The following CCDC7 variants were observed in gnomAD, a reference collection of about 807,000 sequenced individuals.
CCDC7 encodes the protein coiled-coil domain-containing protein 7.
In CCDC7, 183 loss-of-function variants were observed where a neutral mutation model predicts 196.9. The ratio of observed to expected loss-of-function variants is 0.93; its 90% CI spans 0.82 to 1.05. The LOEUF is 1.05. Among genes scored for constraint, CCDC7 ranks in the 50% least tolerant of loss-of-function variants. CCDC7 has a pLI of 0.00. For missense variants in CCDC7, 1,540 were observed against 1,482.2 expected, an observed-to-expected ratio of 1.04 and a Z score of -0.64; for synonymous variants, 525 against 484.6, an observed-to-expected ratio of 1.08 and a Z score of -1.10.
intron 9 of CCDC7, chr10:32,513,773 T>G (rs1419385821): frequency 6.6e-6 from 1 of 152,172 alleles, no homozygotes; most frequent in Non-Finnish European, 1.5e-5. Flanking sequence ...CTAGATTCAG[T>G]AAATGCACTT....
At chr10:32,652,691 A>C (rs954516133) in intron 20 of CCDC7, among the ~76,000 whole-genome samples, 1 of 152,170 alleles carries the variant, frequency 6.6e-6, no homozygotes, top group Non-Finnish European at 1.5e-5. Context: ...ACTAAAAAAA[A>C]CTTTATACTT....
intron 8 of CCDC7, among the ~76,000 whole-genome samples, chr10:32,485,034 C>T (rs373463809): frequency 7.9e-5 from 12 of 152,164 alleles, no homozygotes; most frequent in Admixed American, 5.2e-4. Context: ...GGGAGCATTC[C>T]GTCTTTTTCT....
intron 11 of CCDC7, among the ~76,000 whole-genome samples, chr10:32,524,210 C>G (rs893122224): frequency 2.6e-5 from 4 of 151,990 alleles, no homozygotes; most frequent in Admixed American, 6.6e-5. Flanking sequence ...TAACCCACAA[C>G]TTTAAACTAA....
intron 20 of CCDC7, among the ~76,000 whole-genome samples, chr10:32,652,438 C>A (rs986247708): frequency 6.6e-6 from 1 of 152,136 alleles, no homozygotes; most frequent in Admixed American, 6.5e-5. Flanking sequence ...TAAGGTCTTA[C>A]TATTGATATT....
At chr10:32,838,021 A>T (rs1263326874) in intron 33 of CCDC7, among the ~76,000 whole-genome samples, 2 of 152,122 alleles carry the variant, frequency 1.3e-5, no homozygotes, top group Non-Finnish European at 1.5e-5. Flanking sequence ...GCATGTATAC[A>T]TATGTAACAA....
chr10:32,462,816 C>A, intron 4 of CCDC7, 113 bp downstream of exon 5: 2 of 1,264,088 alleles, frequency 1.6e-6, no homozygotes, highest in South Asian at 3.2e-5. Flanking sequence ...ATACTTGCTG[C>A]TCTATATATT....
At chr10:32,742,348 C>T (rs1325518051) in intron 28 of CCDC7, among the ~76,000 whole-genome samples, 2 of 152,188 alleles carry the variant, frequency 1.3e-5, no homozygotes, top group Non-Finnish European at 2.9e-5. Context: ...ACCACATTAT[C>T]ACCCAAAGTC....
At chr10:32,629,531 G>A (rs1314039888) in intron 18 of CCDC7, among the ~76,000 whole-genome samples, 1 of 152,018 alleles carries the variant, frequency 6.6e-6, no homozygotes, top group Non-Finnish European at 1.5e-5. Context: ...CTCAGCTTTG[G>A]ATTTATTGCT....
intron 25 of CCDC7, among the ~76,000 whole-genome samples, chr10:32,725,737 C>G (rs2142262281): frequency 6.6e-6 from 1 of 152,102 alleles, no homozygotes; most frequent in South Asian, 2.1e-4. Context: ...TGGGGGACAT[C>G]CCAATGTCTT....
At chr10:32,741,575 A>G (rs1480925163) in intron 28 of CCDC7, among the ~76,000 whole-genome samples, 4 of 152,198 alleles carry the variant, frequency 2.6e-5, no homozygotes, top group Admixed American at 1.3e-4. Flanking sequence ...TGTATTTGTA[A>G]TCTATATTTG....
intron 33 of CCDC7, among the ~76,000 whole-genome samples, chr10:32,843,407 C>T (rs2093098055): frequency 6.6e-6 from 1 of 151,932 alleles, no homozygotes; most frequent in Admixed American, 6.6e-5. Context: ...TTAGTATAAA[C>T]TCAAGTAGAA....
chr10:32,705,491 G>T (rs1028454182), intron 24 of CCDC7, among the ~76,000 whole-genome samples: 6 of 152,062 alleles, frequency 3.9e-5, no homozygotes, highest in Admixed American at 2.0e-4. Flanking sequence ...ATGTAAATGG[G>T]CTAAATGCCC....
chr10:32,692,349 A>G (rs1262918270), intron 23 of CCDC7, among the ~76,000 whole-genome samples: 1 of 152,232 alleles, frequency 6.6e-6, no homozygotes, highest in Non-Finnish European at 1.5e-5. Context: ...ATATCTTGGT[A>G]TGTGAATCAG....
rs571268985 is a variant in CCDC7 at position 32,534,970 on chromosome 10, C to T, written c.994-8330C>T. ...CATTGGTGGGAAAGCTGGTTGACCCCCTCATTCTCACTTTTTGCAGTGTAG... is the reference window on the plus strand; with the variant it reads ...CATTGGTGGGAAAGCTGGTTGACCCTCTCATTCTCACTTTTTGCAGTGTAG... On this transcript the variant is annotated intron_variant, in intron 11 of 41. Transcript: ENST00000639629. 4.7e-5 allele frequency among the ~76,000 whole-genome samples: 7 copies of T among 149,958 alleles called. No homozygotes were observed. In the South Asian group the frequency reaches 1.5e-3, roughly 31 times the overall value.
At chr10:32,821,177 A>T (rs1279413162) in intron 31 of CCDC7, among the ~76,000 whole-genome samples, 1 of 152,260 alleles carries the variant, frequency 6.6e-6, no homozygotes, top group African/African-American at 2.4e-5. Context: ...TTCTCAAAAG[A>T]AGACATTTAT....
chr10:32,802,443 T>C (rs2084990554), intron 29 of CCDC7, among the ~76,000 whole-genome samples: 1 of 152,152 alleles, frequency 6.6e-6, no homozygotes. Context: ...TCTAATCATA[T>C]TAAGCAGGCA....
chr10:32,872,894 C>A (rs970817361), intron 41 of CCDC7, among the ~76,000 whole-genome samples: 32 of 152,158 alleles, frequency 2.1e-4, no homozygotes, highest in African/African-American at 7.2e-4. Context: ...TATAGAGTTT[C>A]TGCTGAGAGA....
At chr10:32,689,270 T>A in intron 23 of CCDC7, 107 bp downstream of exon 24, 1 of 661,120 alleles carries the variant, frequency 1.5e-6, no homozygotes, top group South Asian at 2.1e-5. Context: ...AAAATGTGAA[T>A]ACCCTACCAT....
chr10:32,760,400 G>T (rs1042767433), intron 28 of CCDC7, among the ~76,000 whole-genome samples: 24 of 151,892 alleles, frequency 1.6e-4, no homozygotes, highest in Non-Finnish European at 2.4e-4. Flanking sequence ...ATACACCATG[G>T]AATACTATGC....
Sources: gnomAD v4.1 joint callset for allele counts (sites outside exome capture counted in the v4.1 genomes callset) on GRCh38, gnomAD v4.1.1 for gene constraint, MANE v1.5 for transcripts, NCBI Gene and HGNC (gene_info 2026-07-23, HGNC 2026-07-21) for gene names.